The following PATJ variants were observed in gnomAD, a reference collection of about 807,000 sequenced individuals.
PATJ encodes PATJ crumbs cell polarity complex component.
A neutral mutation model predicts 224.9 loss-of-function variants in PATJ; 190 were observed. The ratio of observed to expected loss-of-function variants is 0.84; its 90% confidence interval spans 0.75 to 0.95. The LOEUF (loss-of-function observed/expected upper bound fraction) is 0.95, where lower values mean the gene tolerates loss of function less well. Among genes scored for constraint, PATJ ranks in the 40% least tolerant of loss-of-function variants. The pLI is 0.00. For missense variants in PATJ, 2,121 were observed against 2,270.3 expected (o/e 0.93, Z 1.34); for synonymous variants, 769 against 820.3 (o/e 0.94, Z 1.07).
At position 61,755,664 on chromosome 1, in the gene PATJ, A is replaced by G. The variant is rs1286698; in HGVS notation, c.-35-7194A>G. Among the ~76,000 whole-genome samples the G allele has an allele frequency of 3.8e-3, 578 of 152,276 alleles. 7 individuals are homozygous for G. Among genetic ancestry groups the G allele is most frequent in the African/African-American group, 0.013 (545 of 41,574 alleles). On this transcript the variant is annotated intron_variant, in intron 1 of 43. Coordinates refer to ENST00000642238, the MANE Select transcript of PATJ (RefSeq NM_001350145.3). The stretch of plus-strand genomic sequence containing the variant: ...TACAAGGACCCTTTCAAATTAGTCT[A>G]TCTAAATCAGAGCTTCTCAAACTAT...
chr1:61,809,338 G>A (rs891028989), intron 14 of PATJ, among the ~76,000 whole-genome samples: 5 of 151,886 alleles, frequency 3.3e-5, no homozygotes, highest in Admixed American at 6.6e-5. Flanking sequence ...TATAAGTGCT[G>A]AGCCTACCTT....
chr1:62,116,134 C>T (rs79636854), intron 35 of PATJ, among the ~76,000 whole-genome samples: 7 of 152,152 alleles, frequency 4.6e-5, no homozygotes, highest in African/African-American at 1.7e-4. Context: ...TTCCTTAGCA[C>T]AAAAACTTGC....
chr1:62,044,700 A>C (rs550354020), intron 30 of PATJ, among the ~76,000 whole-genome samples: 16 of 152,338 alleles, frequency 1.1e-4, no homozygotes, highest in Admixed American at 9.2e-4. Context: ...TTGATCATGC[A>C]GGGAGTTCCA....
At position 61,936,495 on chromosome 1, in the gene PATJ, T is replaced by C. The variant is rs375312262; in HGVS notation, c.3670+8666T>C. Among the ~76,000 whole-genome samples, 6 of 148,234 alleles carry C rather than the reference T, an allele frequency of 4.0e-5. No homozygotes were observed. The East Asian group carries it at 1.2e-3, about 30-fold the overall frequency. ...AAATTAAATTATTATTTACAGATGG[T>C]CATATAATTGTCAGTCTCAAAAATT... On this transcript the variant is annotated intron_variant, in intron 27 of 43. Coordinates refer to ENST00000642238, the MANE Select transcript of PATJ (RefSeq NM_001350145.3).
chr1:62,100,984 A>G (rs896843544), intron 33 of PATJ, among the ~76,000 whole-genome samples: 29 of 152,302 alleles, frequency 1.9e-4, no homozygotes, highest in Middle Eastern at 3.4e-3. Context: ...TCATGAAACA[A>G]AGGAGGTAGC....
At chr1:62,103,869 G>A (rs1464438266) in intron 33 of PATJ, among the ~76,000 whole-genome samples, 1 of 152,160 alleles carries the variant, frequency 6.6e-6, no homozygotes, top group Non-Finnish European at 1.5e-5. Context: ...GAGCCCTGGG[G>A]AGGTTAACAG....
chr1:61,914,585 A>AG lies in PATJ; in HGVS notation c.3493dup, dbSNP rs768554652. The AG allele has an allele frequency of 4.7e-6, 7 of 1,474,764 alleles. No homozygotes were observed. In the South Asian group the frequency reaches 5.9e-5, roughly 12 times the overall value. The allele number at this position is 1,474,764 out of a possible 1,614,324, so 91.4% of individuals were successfully genotyped here. A position where few individuals can be genotyped will look rare whatever the true frequency, so the allele number is the denominator to read the frequency against. On this transcript the variant is annotated splice_acceptor_variant, in intron 25 of 43. Coordinates refer to ENST00000642238, the MANE Select transcript of PATJ (RefSeq NM_001350145.3). LOFTEE classifies it high-confidence loss of function. ...CCCCCACCCCTTTTTTTGTCACCAT[A>AG]GGTCATTCCTAACGTACATAACAAG...
chr1:61,824,076 C>T (rs1180958007), intron 15 of PATJ, among the ~76,000 whole-genome samples: 3 of 152,064 alleles, frequency 2.0e-5, no homozygotes, highest in Non-Finnish European at 4.4e-5. Flanking sequence ...TTTGACCCAG[C>T]TTCTTATTGG....
chr1:61,776,483 A>T (rs901183601), intron 7 of PATJ, among the ~76,000 whole-genome samples: 3 of 152,336 alleles, frequency 2.0e-5, no homozygotes, highest in Non-Finnish European at 2.9e-5. Context: ...ATGCCGTTTT[A>T]CTTGAATTTT....
chr1:62,032,533 A>G (rs972761024), intron 29 of PATJ, among the ~76,000 whole-genome samples: 3 of 152,146 alleles, frequency 2.0e-5, no homozygotes, highest in African/African-American at 7.2e-5. Context: ...AACTGGGGGC[A>G]GGAATTTTGG....
chr1:61,778,774 C>T (rs555747516), intron 7 of PATJ, among the ~76,000 whole-genome samples: 2 of 152,222 alleles, frequency 1.3e-5, no homozygotes, highest in East Asian at 3.9e-4. Context: ...AGTCTTGGCT[C>T]ACCACAACCT....
rs555637145 is a variant in PATJ, at chr1:61,968,723, C to T, written c.3671-21445C>T. On this transcript the variant is annotated intron_variant, in intron 27 of 43. Coordinates refer to ENST00000642238, the MANE Select transcript of PATJ (RefSeq NM_001350145.3). ...ATCCCTCCCCGCTCCCACCACCCCA[C>T]GACAGGCCCCCGTGTGTGATGTTCC... Among the ~76,000 whole-genome samples the T allele has an allele frequency of 3.4e-3, 515 of 152,090 alleles. 3 individuals carry two copies. Among genetic ancestry groups the T allele is most frequent in the Middle Eastern group, 0.01 (3 of 294 alleles).
chr1:62,156,438 G>A (rs891850075), intron 43 of PATJ, among the ~76,000 whole-genome samples: 22 of 151,894 alleles, frequency 1.4e-4, no homozygotes, highest in Non-Finnish European at 2.5e-4. Flanking sequence ...GCTGAGGCAC[G>A]AGAATCACTT....
intron 27 of PATJ, among the ~76,000 whole-genome samples, chr1:61,972,506 G>T (rs1405503470): frequency 6.6e-6 from 1 of 151,888 alleles, no homozygotes; most frequent in African/African-American, 2.4e-5. Flanking sequence ...GTCGCTTTGT[G>T]GCTGTTTCTT....
At chr1:61,758,740 C>T (rs182321102) in intron 1 of PATJ, among the ~76,000 whole-genome samples, 2 of 151,666 alleles carry the variant, frequency 1.3e-5, no homozygotes, top group African/African-American at 4.8e-5. Flanking sequence ...CTAAAGAAAG[C>T]CTTTTCTGTT....
intron 22 of PATJ, among the ~76,000 whole-genome samples, chr1:61,885,355 A>G (rs1668666746): frequency 6.6e-6 from 1 of 152,234 alleles, no homozygotes; most frequent in African/African-American, 2.4e-5. Flanking sequence ...AACCCCATCA[A>G]AAAGTGGGCA....
intron 30 of PATJ, among the ~76,000 whole-genome samples, chr1:62,039,481 A>G (rs1415655518): frequency 6.6e-6 from 1 of 152,244 alleles, no homozygotes; most frequent in Non-Finnish European, 1.5e-5. Flanking sequence ...CCAATTTGTT[A>G]TCATCTTTCT....
chr1:61,778,085 G>C (rs899019111), intron 7 of PATJ, among the ~76,000 whole-genome samples: 2 of 151,966 alleles, frequency 1.3e-5, no homozygotes, highest in Non-Finnish European at 2.9e-5. Context: ...TCACCATGTT[G>C]CCCAGGCTGA....
chr1:62,115,473 T>A (rs912678959), intron 35 of PATJ, among the ~76,000 whole-genome samples: 5 of 151,654 alleles, frequency 3.3e-5, no homozygotes, highest in African/African-American at 9.7e-5. Flanking sequence ...TCTAAAAAAA[T>A]TTTTTAAATA....
Sources: allele counts gnomAD v4.1 joint callset (sites outside exome capture counted in the v4.1 genomes callset), GRCh38; gene constraint gnomAD v4.1.1; transcripts MANE v1.5; gene names NCBI Gene and HGNC (gene_info 2026-07-23, HGNC 2026-07-21).